HDAC10: variants seen among roughly 807,000 people sequenced by gnomAD.
HDAC10 encodes the protein histone deacetylase 10.
In HDAC10, 90 loss-of-function variants were observed where a neutral mutation model predicts 82.3. The observed-to-expected ratio is 1.09, with a 90% confidence interval of 0.92 to 1.30. HDAC10 has a LOEUF of 1.30. Among genes scored for constraint, HDAC10 ranks in the 50% most tolerant of loss-of-function variants. HDAC10 has a pLI of 0.00. For synonymous variants in HDAC10, 456 were observed against 391.7 expected (o/e 1.16, Z -1.94); for missense variants, 934 against 876.3 (o/e 1.07, Z -0.83).
At chr22:50,250,204 G>A (rs1348800874) in intron 3 of HDAC10, 44 bp from the exon 4 acceptor site, 2 of 1,536,788 alleles carry the variant, frequency 1.3e-6, no homozygotes, top group African/African-American at 2.7e-5. Flanking sequence ...CTTCCCTGCT[G>A]CCCTTTGCAG....
Position 50,247,886 on chromosome 22 carries a change from C to T in HDAC10, c.1337+4G>A. Reference sequence around the variant, plus strand: ...ATCCTTCTCCCCAGGCCAGCCCTGCCCACCTGGCCCAGGCTTCTGTCTCCT... The same window carrying T: ...ATCCTTCTCCCCAGGCCAGCCCTGCTCACCTGGCCCAGGCTTCTGTCTCCT... On this transcript the variant is annotated splice_donor_region_variant and intron_variant, in intron 13 of 19. Transcript: ENST00000216271. The T allele has an allele frequency of 1.2e-6, 2 of 1,612,706 alleles. No individual in the cohort carries two copies. The highest frequency in any genetic ancestry group is 1.7e-6 in the Non-Finnish European group (2 of 1,179,944).
In HDAC10 at chr22:50,250,806, G is replaced by A. The variant is rs556092720; in HGVS notation, c.159C>T (p.Arg53=). 8.1e-6 allele frequency: 13 copies of A among 1,603,410 alleles called. No homozygotes were observed. Among genetic ancestry groups the A allele is most frequent in the African/African-American group, 5.3e-5 (4 of 74,830 alleles). The change falls in exon 2 of 20, where the codon CGC becomes CGT. Residue 53 remains arginine, a synonymous_variant. Coordinates refer to ENST00000216271, the MANE Select transcript of HDAC10 (RefSeq NM_032019.6). ...LEQRCLRLSA[R]EASEEELGLV... is the part of the protein sequence containing the mutation. ...GGCCCAGCTCCTCTTCCGAGGCCTC[G>A]CGGGCTGACAACCGCAGACACCTCT... is the stretch of plus-strand genomic sequence containing the variant.
At position 50,249,010 on chromosome 22, in the gene HDAC10, G is replaced by A. The variant is rs1053463782; in HGVS notation, c.756+93C>T. ...TCCCCAGCCACACAGGAGTGGGACA[G>A]CTCATAACCCTCCTCCTGCCTTCAC... On this transcript the variant is annotated intron_variant, in intron 8 of 19. Transcript: ENST00000216271. This position sits in a 1 kb window ranked among gnomAD's most constrained non-coding sequence, Gnocchi z 4.4. The A allele has an allele frequency of 5.6e-6, 8 of 1,436,450 alleles. No homozygotes were observed. The highest frequency in any genetic ancestry group is 7.7e-6 in the Non-Finnish European group (8 of 1,041,078). 89.0% of individuals were successfully genotyped at this position (1,436,450 alleles called of 1,614,324 possible).
chr22:50,247,841 A>G (rs772679653), intron 13 of HDAC10, 49 bp downstream of exon 13: 32 of 1,612,670 alleles, frequency 2.0e-5, no homozygotes, highest in Non-Finnish European at 2.6e-5. Context: ...ACACACAGGC[A>G]CAGGTGTAGA....
At chr22:50,250,389 G>T in intron 3 of HDAC10, 38 bp downstream of exon 3, 2 of 1,579,638 alleles carry the variant, frequency 1.3e-6, no homozygotes, top group Non-Finnish European at 1.7e-6. Flanking sequence ...GCACGTGCAT[G>T]TGTGTCTGCA....
At chr22:50,246,446 G>A in intron 16 of HDAC10, 70 bp from the exon 17 acceptor site, 1 of 1,352,486 alleles carries the variant, frequency 7.4e-7, no homozygotes, top group South Asian at 1.2e-5. Context: ...AGAGGCAGAG[G>A]TGGAAGAGCA....
In HDAC10 at chr22:50,246,018, C is replaced by T. The variant is rs1348693285; in HGVS notation, c.1725G>A (p.Val575=). The change falls in exon 18 of 20, where the codon GTG becomes GTA. Residue 575 remains valine (V), a synonymous_variant. Coordinates refer to ENST00000216271, the MANE Select transcript of HDAC10 (RefSeq NM_032019.6). The part of the protein sequence containing the change: ...PLAYGFQPDL[V]LVALGPGHGL... Reference sequence around the variant, plus strand: ...CATGGCCAGGCCCCAGCGCCACCAGCACCAGGTCAGGCTGGAAGCCATAGG... The same window carrying T: ...CATGGCCAGGCCCCAGCGCCACCAGTACCAGGTCAGGCTGGAAGCCATAGG... 6.2e-7 allele frequency: 1 copy of T among 1,612,760 alleles called. No individual in the cohort carries two copies. The highest frequency in any genetic ancestry group is 8.5e-7 in the Non-Finnish European group (1 of 1,179,870).
At position 50,246,019 on chromosome 22, in the gene HDAC10, A is replaced by ATAGG; in HGVS notation, c.1723_1724insCCTA (p.Val575AlafsTer59). Reference sequence around the variant, plus strand: ...ATGGCCAGGCCCCAGCGCCACCAGCACCAGGTCAGGCTGGAAGCCATAGGC... The same window carrying ATAGG: ...ATGGCCAGGCCCCAGCGCCACCAGCATAGGCCAGGTCAGGCTGGAAGCCATAGGC... On this transcript the variant is annotated frameshift_variant, in exon 18 of 20. Transcript: ENST00000216271. LOFTEE classifies it high-confidence loss of function. The ATAGG allele has an allele frequency of 6.2e-7, 1 of 1,612,782 alleles. No individual in the cohort carries two copies. The highest frequency in any genetic ancestry group is 8.5e-7 in the Non-Finnish European group (1 of 1,179,868).
rs738334 is a variant in HDAC10 at position 50,249,806 on chromosome 22, T to C, written c.494+54A>G. On this transcript the variant is annotated intron_variant, in intron 5 of 19. Coordinates refer to ENST00000216271, the MANE Select transcript of HDAC10 (RefSeq NM_032019.6). This position sits in a 1 kb window ranked among gnomAD's most constrained non-coding sequence, Gnocchi z 4.4. ...GGCTGGGTTCTCTCGCCTCCTGCGC[T>C]GCCCCTTGCTGTGTGGCCTGGGCCC... 1,170,879 of 1,598,640 alleles carry C rather than the reference T, an allele frequency of 0.73. 433,611 individuals are homozygous for C. The highest frequency in any genetic ancestry group is 0.94 in the African/African-American group (70,489 of 74,674).
rs191719342 is a variant in HDAC10 at position 50,248,188 on chromosome 22, G to A, written c.1081+37C>T. On this transcript the variant is annotated intron_variant, in intron 12 of 19. Coordinates refer to ENST00000216271, the MANE Select transcript of HDAC10 (RefSeq NM_032019.6). This position sits in a 1 kb window ranked among gnomAD's most constrained non-coding sequence, Gnocchi z 5.4. Reference sequence around the variant, plus strand: ...TCATAGCCACTGCACAGGAGCCCGAGGTGGGATCCTGCAGCCTAGCACCCG... The same window carrying A: ...TCATAGCCACTGCACAGGAGCCCGAAGTGGGATCCTGCAGCCTAGCACCCG... 1 of 1,603,026 alleles carries A rather than the reference G, an allele frequency of 6.2e-7. No homozygotes were observed. Among genetic ancestry groups the A allele is most frequent in the African/African-American group, 1.3e-5 (1 of 74,916 alleles).
chr22:50,246,979 T>G lies in HDAC10; in HGVS notation c.1423-13A>C. The G allele has an allele frequency of 1.3e-6, 2 of 1,566,800 alleles. No individual in the cohort carries two copies. Among genetic ancestry groups the G allele is most frequent in the South Asian group, 2.3e-5 (2 of 87,274 alleles). ...TACCACTGTTCACCTGTGGGATGAATAAACAGTGGAGAATGAGGCACCAAC... is the reference window on the plus strand; with the variant it reads ...TACCACTGTTCACCTGTGGGATGAAGAAACAGTGGAGAATGAGGCACCAAC... On this transcript the variant is annotated splice_polypyrimidine_tract_variant and intron_variant, in intron 14 of 19. Coordinates refer to ENST00000216271, the MANE Select transcript of HDAC10 (RefSeq NM_032019.6).
At position 50,250,440 on chromosome 22, in the gene HDAC10, A is replaced by C. The variant is rs368162152; in HGVS notation, c.278T>G (p.Ile93Ser). The change falls in exon 3 of 20, where the codon ATC becomes AGC. Residue 93 changes from isoleucine (I) to serine (S), a missense_variant. Coordinates refer to ENST00000216271, the MANE Select transcript of HDAC10 (RefSeq NM_032019.6). ...LQALSGQFDA[I>S]YFHPSTFHCA... ...GGGGACACGCACCGGGTGGAAGTAG[A>C]TGGCGTCGAACTGTCCGGACAGCGC... The C allele has an allele frequency of 6.2e-7, 1 of 1,612,988 alleles. No homozygotes were observed. The highest frequency in any genetic ancestry group is 8.5e-7 in the Non-Finnish European group (1 of 1,179,950).
At position 50,249,462 on chromosome 22, in the gene HDAC10, C is replaced by G. The variant is rs1300000599; in HGVS notation, c.564-8G>C. The G allele has an allele frequency of 6.2e-7, 1 of 1,612,520 alleles. No individual in the cohort carries two copies. Among genetic ancestry groups the G allele is most frequent in the Admixed American group, 1.7e-5 (1 of 59,998 alleles). On this transcript the variant is annotated splice_polypyrimidine_tract_variant and splice_region_variant and intron_variant, in intron 6 of 19. Coordinates refer to ENST00000216271, the MANE Select transcript of HDAC10 (RefSeq NM_032019.6). The surrounding 1 kb of genome is among the most constrained non-coding windows in gnomAD (Gnocchi z 4.4). ...CAGGAGAAGTAAAGGACGCTGCCAA[C>G]AGCCAGCCAGGGCCAGAGGTCAAAG...
intron 14 of HDAC10, 110 bp downstream of exon 14, chr22:50,247,582 T>C (rs2064985767): frequency 1.3e-6 from 1 of 757,570 alleles, no homozygotes; most frequent in Non-Finnish European, 2.2e-6. Context: ...TTCACATCCA[T>C]GTGGTTCTGC....
chr22:50,247,967 A>G lies in HDAC10; in HGVS notation c.1260T>C (p.Asp420=). The G allele has an allele frequency of 1.9e-6, 3 of 1,612,872 alleles. No individual in the cohort carries two copies. The highest frequency in any genetic ancestry group is 2.5e-6 in the Non-Finnish European group (3 of 1,179,992). Residue 420 remains aspartate, a synonymous_variant, in exon 13 of 20, where the codon GAT becomes GAC. Coordinates refer to ENST00000216271, the MANE Select transcript of HDAC10 (RefSeq NM_032019.6). ...CGTCAGGGGGCAGAACCAATGTGAT[A>G]TCCGGCGTTGTCAGGGCAACAGCGG... The part of the protein sequence containing the change: ...VRTAVALTTP[D]ITLVLPPDVI...
rs1294117680 is a variant in HDAC10, at chr22:50,250,892, T to TCTCGCA, written c.67_72dup (p.Cys23_Glu24dup). The stretch of plus-strand genomic sequence containing the variant: ...GCGGTCAGGCGCTCAGGACGCTCGA[T>TCTCGCA]CTCGCACTCGGGGCTGGGGCAGATG... On this transcript the variant is annotated inframe_insertion, in exon 2 of 20. Coordinates refer to ENST00000216271, the MANE Select transcript of HDAC10 (RefSeq NM_032019.6). The TCTCGCA allele has an allele frequency of 6.2e-7, 1 of 1,602,598 alleles. No homozygotes were observed. Among genetic ancestry groups the TCTCGCA allele is most frequent in the African/African-American group, 1.3e-5 (1 of 74,580 alleles).
At chr22:50,246,553 C>G (rs1417019470) in intron 16 of HDAC10, 126 bp downstream of exon 16, 2 of 1,123,608 alleles carry the variant, frequency 1.8e-6, no homozygotes, top group Non-Finnish European at 2.6e-6. Flanking sequence ...CACACCCCAG[C>G]TGAGGAAGGC....
chr22:50,246,629 A>G (rs1451390385), intron 16 of HDAC10, 50 bp downstream of exon 16: 2 of 1,560,126 alleles, frequency 1.3e-6, no homozygotes, highest in Non-Finnish European at 1.8e-6. Context: ...CGTCCATCAC[A>G]TGCCCGTCCA....
Position 50,246,617 on chromosome 22 carries a change from C to G in HDAC10, c.1571+62G>C. ...CACCCGTCACCCTGGGGCCCAGGCACACGTCCATCACATGCCCGTCCACAT... is the reference window on the plus strand; with the variant it reads ...CACCCGTCACCCTGGGGCCCAGGCAGACGTCCATCACATGCCCGTCCACAT... On this transcript the variant is annotated intron_variant, in intron 16 of 19. Transcript: ENST00000216271. 4 of 1,501,940 alleles carry G rather than the reference C, an allele frequency of 2.7e-6. No individual in the cohort carries two copies. In the Admixed American group the frequency reaches 5.0e-5, roughly 19 times the overall value. 93.0% of individuals were successfully genotyped at this position (1,501,940 alleles called of 1,614,324 possible). A position where few individuals can be genotyped will look rare whatever the true frequency, so the allele number is the denominator to read the frequency against.
Sources: gnomAD v4.1 joint callset for allele counts on GRCh38, gnomAD v4.1.1 for gene constraint, Gnocchi (gnomAD v3.1) non-coding constraint, MANE v1.5 for transcripts, NCBI Gene and HGNC (gene_info 2026-07-23, HGNC 2026-07-21) for gene names.